The following ST7L variants were observed in gnomAD, a reference collection of about 807,000 sequenced individuals.
ST7L encodes suppression of tumorigenicity 7 like.
Under a neutral mutation model 72.5 loss-of-function variants are expected in ST7L, and 57 were observed. The observed-to-expected ratio is 0.79, with a 90% CI of 0.64 to 0.98. ST7L has a LOEUF of 0.98. ST7L is among the 50% of genes least tolerant of loss of function. ST7L has a pLI of 0.00. For synonymous variants in ST7L, 221 were observed against 240.9 expected (o/e 0.92, Z 0.77); for missense variants, 576 against 672.2 (o/e 0.86, Z 1.58).
At chr1:112,615,042 C>T (rs950343914) in intron 2 of ST7L, among the ~76,000 whole-genome samples, 8 of 152,146 alleles carry the variant, frequency 5.3e-5, no homozygotes, top group Non-Finnish European at 1.2e-4. Context: ...CTCTGTCACT[C>T]AGGTTAGAGT....
the ST7L span, chr1:112,518,285 C>T: frequency 6.6e-6 from 1 of 152,210 alleles, no homozygotes; most frequent in South Asian, 2.1e-4. Context: ...CAGCAGAACT[C>T]TTCTCCTCTG....
intron 14 of ST7L, chr1:112,540,264 T>G: frequency 1.0e-6 from 1 of 985,406 alleles, no homozygotes; most frequent in Non-Finnish European, 1.2e-6. Context: ...TCTCTCCCAT[T>G]GCTTGCCTGT....
At chr1:112,536,636 T>A (rs1209543712) in intron 14 of ST7L, among the ~76,000 whole-genome samples, 1 of 152,118 alleles carries the variant, frequency 6.6e-6, no homozygotes, top group Non-Finnish European at 1.5e-5. Context: ...TAGTGTAACA[T>A]CTGACCTTCT....
intron 11 of ST7L, among the ~76,000 whole-genome samples, chr1:112,572,043 A>G (rs566686675): frequency 6.6e-6 from 1 of 152,346 alleles, no homozygotes; most frequent in South Asian, 2.1e-4. Context: ...TGGAAACATT[A>G]ATCTCCTTGT....
chr1:112,577,071 G>A lies in ST7L; in HGVS notation c.1160C>T (p.Ala387Val), dbSNP rs761149780. Residue 387 changes from alanine (A) to valine (V), a missense_variant, in exon 11 of 15, where the codon GCC becomes GTC. Physicochemically the swap from Ala to Val is moderately conservative, Grantham distance 64 (BLOSUM62 0). This residue lies in a region of ST7L where 511 missense variants were observed against 600.7 expected (regional missense o/e 0.85). Coordinates refer to ENST00000358039, the MANE Select transcript of ST7L (RefSeq NM_017744.5). The stretch of plus-strand genomic sequence containing the variant: ...TGCTGTGCTTAATCCTCTTCTGGAG[G>A]CTGTTTCTGGAGAGAATCTACAAGA... ...TVSEKFSPET[A>V]SRRGLSTAEI... 1.3e-6 allele frequency: 2 copies of A among 1,594,984 alleles called. No individual in the cohort carries two copies. The highest frequency in any genetic ancestry group is 2.2e-5 in the East Asian group (1 of 44,504).
chr1:112,618,897 T>C lies in ST7L; in HGVS notation c.205+12A>G. The C allele has an allele frequency of 6.4e-7, 1 of 1,553,512 alleles. No homozygotes were observed. The highest frequency in any genetic ancestry group is 2.0e-5 in the Admixed American group (1 of 51,042). ...GCCCCCCGCCCTGCCCCAGGAGGTCTGGTCCTCTCACCCGCTGCCAAATTC... is the reference window on the plus strand; with the variant it reads ...GCCCCCCGCCCTGCCCCAGGAGGTCCGGTCCTCTCACCCGCTGCCAAATTC... On this transcript the variant is annotated intron_variant, in intron 1 of 14. Transcript: ENST00000358039.
intron 10 of ST7L, 132 bp from the exon 11 acceptor site, chr1:112,577,220 AAC>A: frequency 4.2e-6 from 2 of 479,596 alleles, no homozygotes. Flanking sequence ...CCAGAGGACT[AAC>A]AAAAAAAAAA....
At chr1:112,588,473 T>A (rs1419953762) in intron 6 of ST7L, among the ~76,000 whole-genome samples, 1 of 152,238 alleles carries the variant, frequency 6.6e-6, no homozygotes, top group African/African-American at 2.4e-5. Context: ...AGTTTTTTAA[T>A]GTTTTCATCA....
In ST7L at chr1:112,600,856, A is replaced by C. The variant is rs553276176; in HGVS notation, c.452-8T>G. 1.0e-5 allele frequency: 16 copies of C among 1,606,038 alleles called. No homozygotes were observed. The South Asian group carries it at 1.8e-4, about 18-fold the overall frequency. On this transcript the variant is annotated splice_region_variant and splice_polypyrimidine_tract_variant and intron_variant, in intron 3 of 14. Coordinates refer to ENST00000358039, the MANE Select transcript of ST7L (RefSeq NM_017744.5). ...TTCTCCATACCTTACATTCTGAAAA[A>C]CAAGGGAGAAAAAGGGGGAAAAAGA...
At chr1:112,523,257 A>T (rs1447868817), downstream of ST7L, 1 of 152,184 alleles carries the variant, frequency 6.6e-6, no homozygotes, top group African/African-American at 2.4e-5. Flanking sequence ...TCCAAATTCT[A>T]GCTCATAAAG....
chr1:112,568,554 C>G (rs1247457347), intron 11 of ST7L, among the ~76,000 whole-genome samples: 14 of 151,224 alleles, frequency 9.3e-5, no homozygotes, highest in Non-Finnish European at 1.8e-4. Context: ...CCAGGATGGT[C>G]TCGATCTCCT....
chr1:112,540,468 GA>G, intron 14 of ST7L: 1 of 985,410 alleles, frequency 1.0e-6, no homozygotes, highest in Non-Finnish European at 1.2e-6. Context: ...ACACTGAAAA[GA>G]AATAGAATAG....
intron 13 of ST7L, among the ~76,000 whole-genome samples, chr1:112,548,203 A>G (rs1657481680): frequency 6.6e-6 from 1 of 152,004 alleles, no homozygotes; most frequent in Non-Finnish European, 1.5e-5. Flanking sequence ...AAAAATACAA[A>G]AAAAATTAGC....
chr1:112,531,487 C>T (rs192998720), intron 14 of ST7L, among the ~76,000 whole-genome samples: 6 of 152,232 alleles, frequency 3.9e-5, no homozygotes, highest in East Asian at 1.9e-4. Context: ...TTGACCTAAC[C>T]GAATAAATTC....
intron 12 of ST7L, among the ~76,000 whole-genome samples, chr1:112,555,208 GAAAAC>G (rs762233454): frequency 8.1e-6 from 1 of 123,530 alleles, no homozygotes; most frequent in Non-Finnish European, 1.7e-5. Flanking sequence ...GTATACATCG[GAAAAC>G]AAAACAAAAC....
chr1:112,536,739 T>C (rs532701702), intron 14 of ST7L, among the ~76,000 whole-genome samples: 1 of 152,154 alleles, frequency 6.6e-6, no homozygotes, highest in East Asian at 1.9e-4. Context: ...AGCCAGCCAA[T>C]TATGAGTTGC....
intron 6 of ST7L, among the ~76,000 whole-genome samples, chr1:112,587,967 T>C (rs1020331633): frequency 6.6e-6 from 1 of 152,242 alleles, no homozygotes; most frequent in African/African-American, 2.4e-5. Context: ...TTTGATTTAT[T>C]TATTTAACTT....
chr1:112,520,010 T>C (rs1192625335), downstream of ST7L, among the ~76,000 whole-genome samples: 1 of 151,744 alleles, frequency 6.6e-6, no homozygotes, highest in African/African-American at 2.4e-5. Flanking sequence ...TATCTAGGAC[T>C]ACAGGCTCAT....
At chr1:112,552,559 T>C (rs1435769045) in intron 12 of ST7L, among the ~76,000 whole-genome samples, 1 of 151,972 alleles carries the variant, frequency 6.6e-6, no homozygotes, top group African/African-American at 2.4e-5. Context: ...CATGCGCCAC[T>C]ATGCCCGGCT....
Sources: allele counts gnomAD v4.1 joint callset (sites outside exome capture counted in the v4.1 genomes callset), GRCh38; gene constraint gnomAD v4.1.1; regional missense constraint gnomAD v4.1.1; transcripts MANE v1.5; gene names NCBI Gene and HGNC (gene_info 2026-07-23, HGNC 2026-07-21).